Variants in PRKCE observed in about 807,000 individuals in gnomAD.
PRKCE encodes protein kinase C epsilon type.
A neutral mutation model predicts 85.4 loss-of-function variants in PRKCE; 16 were observed. The ratio of observed to expected loss-of-function variants is 0.19; its 90% CI spans 0.13 to 0.28. The LOEUF is 0.28. Among genes scored for constraint, PRKCE ranks in the 10% least tolerant of loss-of-function variants. The pLI is 1.00. For missense variants in PRKCE, 573 were observed against 975.2 expected, an observed-to-expected ratio of 0.59 and a Z score of 5.49; for synonymous variants, 388 against 371.5, an observed-to-expected ratio of 1.04 and a Z score of -0.51.
chr2:45,958,230 C>T (rs1305504395), intron 2 of PRKCE, among the ~76,000 whole-genome samples: 1 of 148,546 alleles, frequency 6.7e-6, no homozygotes, highest in East Asian at 2.0e-4. Context: ...GAAAATTGGG[C>T]CAGGCATGGT....
chr2:45,695,011 T>C (rs1678027250), intron 1 of PRKCE, among the ~76,000 whole-genome samples: 1 of 152,164 alleles, frequency 6.6e-6, no homozygotes, highest in African/African-American at 2.4e-5. Context: ...CTGCCTCATG[T>C]AAGATGCATT....
At chr2:45,844,071 C>G (rs1184539345) in intron 2 of PRKCE, among the ~76,000 whole-genome samples, 1 of 152,198 alleles carries the variant, frequency 6.6e-6, no homozygotes, top group Admixed American at 6.5e-5. Context: ...CACACAGTCT[C>G]TAGTTTAAGG....
At chr2:45,737,060 C>G (rs1368731150) in intron 1 of PRKCE, among the ~76,000 whole-genome samples, 1 of 152,182 alleles carries the variant, frequency 6.6e-6, no homozygotes, top group Non-Finnish European at 1.5e-5. Context: ...TGCCTGTGTG[C>G]TGTCAGGCCC....
At chr2:46,044,477 G>A (rs1708399172) in intron 10 of PRKCE, among the ~76,000 whole-genome samples, 1 of 152,198 alleles carries the variant, frequency 6.6e-6, no homozygotes, top group African/African-American at 2.4e-5. Context: ...GGACATTCAT[G>A]TAATAAATAC....
At chr2:46,113,133 C>G (rs1019091609) in intron 11 of PRKCE, among the ~76,000 whole-genome samples, 21 of 152,222 alleles carry the variant, frequency 1.4e-4, no homozygotes, top group African/African-American at 4.1e-4. Context: ...CTTCATGGAC[C>G]TCACAGCTGA....
intron 1 of PRKCE, among the ~76,000 whole-genome samples, chr2:45,684,875 G>A (rs1177807201): frequency 1.3e-5 from 2 of 152,202 alleles, no homozygotes; most frequent in Non-Finnish European, 2.9e-5. Context: ...CTGTGTGGCT[G>A]GCAGGGGGCT....
chr2:45,819,587 C>T (rs11884415), intron 1 of PRKCE, among the ~76,000 whole-genome samples: 2,497 of 152,208 alleles, frequency 0.016, 67 homozygotes, highest in African/African-American at 0.056. Context: ...TTTTCACGTT[C>T]CTGGGCCTGG....
At chr2:45,857,393 A>T (rs1202830972) in intron 2 of PRKCE, among the ~76,000 whole-genome samples, 2 of 152,220 alleles carry the variant, frequency 1.3e-5, no homozygotes, top group East Asian at 3.8e-4. Flanking sequence ...GTTTTTAAAA[A>T]ATGTTCACGT....
At chr2:45,730,874 C>G (rs1266876912) in intron 1 of PRKCE, among the ~76,000 whole-genome samples, 1 of 152,166 alleles carries the variant, frequency 6.6e-6, no homozygotes, top group Non-Finnish European at 1.5e-5. Flanking sequence ...CCCGACAGAT[C>G]ATGGGAGACA....
In PRKCE at chr2:45,922,309, A is replaced by T. The variant is rs145548821; in HGVS notation, c.413-54120A>T. On this transcript the variant is annotated intron_variant, in intron 2 of 14. Coordinates refer to ENST00000306156, the MANE Select transcript of PRKCE (RefSeq NM_005400.3). ...TCCTATCATATGCAGTGCTTAATGG[A>T]AAAGAGCTGGACTAGAGGCCCCAAA... Among the ~76,000 whole-genome samples, 17 of 152,288 alleles carry T rather than the reference A, an allele frequency of 1.1e-4. No individual in the cohort carries two copies. In the East Asian group the frequency reaches 3.1e-3, roughly 28 times the overall value.
At chr2:45,661,258 C>T (rs1572876793) in intron 1 of PRKCE, among the ~76,000 whole-genome samples, 1 of 152,052 alleles carries the variant, frequency 6.6e-6, no homozygotes, top group Non-Finnish European at 1.5e-5. Flanking sequence ...TATCGGATCA[C>T]TGCAACCTCT....
intron 2 of PRKCE, among the ~76,000 whole-genome samples, chr2:45,893,321 C>T (rs148081457): frequency 1.1e-3 from 169 of 151,728 alleles, no homozygotes; most frequent in African/African-American, 3.9e-3. Flanking sequence ...TCTCCCACAG[C>T]ACAGCCTGGC....
At chr2:45,827,866 T>A (rs1016182714) in intron 1 of PRKCE, among the ~76,000 whole-genome samples, 14 of 152,278 alleles carry the variant, frequency 9.2e-5, no homozygotes, top group Non-Finnish European at 1.5e-4. Context: ...ACATACCTAA[T>A]AAATTCTGTT....
At chr2:45,925,665 C>T (rs1316674236) in intron 2 of PRKCE, among the ~76,000 whole-genome samples, 5 of 152,316 alleles carry the variant, frequency 3.3e-5, no homozygotes, top group African/African-American at 9.6e-5. Flanking sequence ...TACATCCATC[C>T]GAGTAGTGAA....
chr2:46,063,605 C>CACA, intron 10 of PRKCE, among the ~76,000 whole-genome samples: 2 of 152,190 alleles, frequency 1.3e-5, no homozygotes, highest in Non-Finnish European at 2.9e-5. Flanking sequence ...TGAAGCAGCT[C>CACA]GAGTTTGTTT....
chr2:45,664,595 C>T (rs982599846), intron 1 of PRKCE, among the ~76,000 whole-genome samples: 2 of 152,180 alleles, frequency 1.3e-5, no homozygotes, highest in African/African-American at 4.8e-5. Flanking sequence ...TCCAAGTGTA[C>T]AGAACTACAA....
intron 1 of PRKCE, among the ~76,000 whole-genome samples, chr2:45,767,260 A>G (rs1433419089): frequency 6.6e-6 from 1 of 151,958 alleles, no homozygotes; most frequent in East Asian, 1.9e-4. Flanking sequence ...TAATACATTG[A>G]TGTTCTTTGA....
At chr2:45,810,812 G>A (rs1688604399) in intron 1 of PRKCE, among the ~76,000 whole-genome samples, 1 of 152,168 alleles carries the variant, frequency 6.6e-6, no homozygotes, top group Non-Finnish European at 1.5e-5. Flanking sequence ...CAATTTTATA[G>A]TAGGGCACAT....
intron 1 of PRKCE, among the ~76,000 whole-genome samples, chr2:45,763,509 A>T (rs1684678698): frequency 6.6e-6 from 1 of 152,156 alleles, no homozygotes; most frequent in Non-Finnish European, 1.5e-5. Context: ...GGCTTTGCTC[A>T]CGTCCCACCC....
Sources: gnomAD v4.1 joint callset for allele counts (sites outside exome capture counted in the v4.1 genomes callset) on GRCh38, gnomAD v4.1.1 for gene constraint, MANE v1.5 for transcripts, NCBI Gene and HGNC (gene_info 2026-07-23, HGNC 2026-07-21) for gene names.